The following PDE4D variants were observed in gnomAD, a reference collection of about 807,000 sequenced individuals.
PDE4D encodes the protein phosphodiesterase 4D, also known as 3',5'-cyclic-AMP phosphodiesterase 4D.
Under a neutral mutation model 87.4 loss-of-function variants are expected in PDE4D, and 24 were observed. The observed-to-expected ratio is 0.27, with a 90% confidence interval of 0.20 to 0.39. The LOEUF (loss-of-function observed/expected upper bound fraction) is 0.39. Ranked by LOEUF, PDE4D falls within the 10% of genes least tolerant of loss-of-function variation. The pLI is 1.00. For missense variants in PDE4D, 714 were observed against 1,041.0 expected (o/e 0.69, Z 4.32); for synonymous variants, 384 against 383.2 (o/e 1.00, Z -0.02).
exon 3 of PDE4D, chr5:59,988,584 G>C: frequency 6.3e-7 from 1 of 1,599,408 alleles, no homozygotes. Context: ...TTTCAAGTCA[G>C]CTTGTTCCAA....
At chr5:59,514,833 G>C (rs1189548261) in intron 1 of PDE4D, among the ~76,000 whole-genome samples, 1 of 152,080 alleles carries the variant, frequency 6.6e-6, no homozygotes, top group East Asian at 1.9e-4. Context: ...AAAGAGCTTA[G>C]AATAAGAGGG....
intron 1 of PDE4D, among the ~76,000 whole-genome samples, chr5:60,357,581 C>G (rs1378300824): frequency 6.6e-6 from 1 of 152,090 alleles, no homozygotes; most frequent in Admixed American, 6.6e-5. Context: ...AAAGACTAAA[C>G]TTTTATGTCT....
At chr5:59,456,203 C>A (rs1799900219) in intron 1 of PDE4D, among the ~76,000 whole-genome samples, 2 of 152,138 alleles carry the variant, frequency 1.3e-5, no homozygotes, top group East Asian at 3.9e-4. Context: ...CAAATCTCAT[C>A]CTGAATTATA....
chr5:59,005,420 G>C (rs1438467746), intron 6 of PDE4D, among the ~76,000 whole-genome samples: 2 of 152,098 alleles, frequency 1.3e-5, no homozygotes, highest in African/African-American at 2.4e-5. Context: ...TATTTCTAGG[G>C]AATAAGAAAT....
chr5:59,001,987 C>A, intron 6 of PDE4D: 1 of 500,674 alleles, frequency 2.0e-6, no homozygotes, highest in African/African-American at 1.9e-5. Context: ...TACGGCATCA[C>A]CTTCCCTCCT....
chr5:59,459,017 T>G (rs937910971), intron 1 of PDE4D, among the ~76,000 whole-genome samples: 4 of 152,224 alleles, frequency 2.6e-5, no homozygotes, highest in African/African-American at 7.2e-5. Flanking sequence ...TCCTTCATGA[T>G]TGAATTTATA....
intron 1 of PDE4D, among the ~76,000 whole-genome samples, chr5:60,400,624 A>G (rs560686089): frequency 1.3e-5 from 2 of 151,790 alleles, no homozygotes; most frequent in Non-Finnish European, 2.9e-5. Flanking sequence ...TATAAAATCC[A>G]TTAATTTATA....
At chr5:59,580,984 C>T (rs1056233881) in intron 1 of PDE4D, among the ~76,000 whole-genome samples, 4 of 152,030 alleles carry the variant, frequency 2.6e-5, no homozygotes, top group African/African-American at 7.3e-5. Context: ...ATAAATTTTA[C>T]ACAACATAAT....
At chr5:59,301,576 T>C (rs1770259560) in intron 1 of PDE4D, among the ~76,000 whole-genome samples, 1 of 151,968 alleles carries the variant, frequency 6.6e-6, no homozygotes, top group African/African-American at 2.4e-5. Context: ...CGCTGTGAAA[T>C]GGGAAGGCAG....
intron 1 of PDE4D, among the ~76,000 whole-genome samples, chr5:59,364,853 C>T (rs1449018840): frequency 6.6e-6 from 1 of 151,778 alleles, no homozygotes; most frequent in Non-Finnish European, 1.5e-5. Context: ...ACCTTCCTTC[C>T]TTCCTTCCTA....
At chr5:60,431,478 G>A (rs1050054813) in intron 1 of PDE4D, among the ~76,000 whole-genome samples, 4 of 150,924 alleles carry the variant, frequency 2.7e-5, no homozygotes, top group Middle Eastern at 3.4e-3. Flanking sequence ...GACGATGGGC[G>A]GCCGGGCAGA....
chr5:60,049,601 G>T (rs1315049787), intron 2 of PDE4D, among the ~76,000 whole-genome samples: 2 of 152,140 alleles, frequency 1.3e-5, no homozygotes, highest in Non-Finnish European at 2.9e-5. Context: ...ACCCTCAGCT[G>T]CAGGTCTGTT....
At chr5:59,528,060 A>C (rs1240395006) in intron 1 of PDE4D, among the ~76,000 whole-genome samples, 1 of 152,180 alleles carries the variant, frequency 6.6e-6, no homozygotes, top group African/African-American at 2.4e-5. Flanking sequence ...AGGTAAGCAA[A>C]ATTCTTTTAA....
chr5:59,749,310 G>A (rs1760086938), intron 1 of PDE4D, among the ~76,000 whole-genome samples: 2 of 152,122 alleles, frequency 1.3e-5, no homozygotes, highest in African/African-American at 2.4e-5. Context: ...ACCCAGGCTG[G>A]AGTGCAGTGG....
At chr5:59,959,080 T>C (rs1759178995) in intron 3 of PDE4D, among the ~76,000 whole-genome samples, 1 of 145,564 alleles carries the variant, frequency 6.9e-6, no homozygotes, top group Admixed American at 7.1e-5. Flanking sequence ...AAGAACACAA[T>C]CTCACTTAAC....
At chr5:60,304,362 A>G (rs1754237906) in intron 1 of PDE4D, among the ~76,000 whole-genome samples, 1 of 152,054 alleles carries the variant, frequency 6.6e-6, no homozygotes, top group South Asian at 2.1e-4. Flanking sequence ...TGGAGAGAGA[A>G]GGGCCGGGCG....
At chr5:59,023,431 G>T (rs1253107294) in intron 6 of PDE4D, among the ~76,000 whole-genome samples, 2 of 146,782 alleles carry the variant, frequency 1.4e-5, no homozygotes, top group African/African-American at 5.1e-5. Flanking sequence ...AGGAGTTTGA[G>T]ACCAGCCTGG....
intron 1 of PDE4D, chr5:60,459,755 C>A: frequency 1.7e-5 from 7 of 420,344 alleles, no homozygotes; most frequent in South Asian, 5.6e-5. Flanking sequence ...AACAGGGCAA[C>A]AGAGCACAAG....
chr5:60,506,932 A>G (rs1001868204), intron 1 of PDE4D, among the ~76,000 whole-genome samples: 5 of 152,202 alleles, frequency 3.3e-5, no homozygotes, highest in South Asian at 2.1e-4. Context: ...AAAAAATAAA[A>G]AGGAAAAGAA....
Sources: allele counts gnomAD v4.1 joint callset (sites outside exome capture counted in the v4.1 genomes callset), GRCh38; gene constraint gnomAD v4.1.1; transcripts MANE v1.5; gene names NCBI Gene and HGNC (gene_info 2026-07-23, HGNC 2026-07-21).